The following NDUFB5 variants were observed in gnomAD, a reference collection of about 807,000 sequenced individuals.
NDUFB5 encodes the protein NADH:ubiquinone oxidoreductase subunit B5.
A neutral mutation model predicts 19.4 loss-of-function variants in NDUFB5; 19 were observed. The ratio of observed to expected loss-of-function variants is 0.98; its 90% CI spans 0.68 to 1.43. The LOEUF is 1.43. Among genes scored for constraint, NDUFB5 ranks in the 40% most tolerant of loss-of-function variants. NDUFB5 has a pLI of 0.00. For synonymous variants in NDUFB5, 80 were observed against 82.6 expected, an observed-to-expected ratio of 0.97 and a Z score of 0.17; for missense variants, 233 against 236.5, an observed-to-expected ratio of 0.99 and a Z score of 0.10.
chr3:179,624,655 G>A lies in NDUFB5; in HGVS notation c.*615G>A, dbSNP rs1302192638. ...GGATCCCTTAGAGTCCTTTTTTGGG[G>A]AAGTAGTTGCACTAGGTAATGTGAT... is the stretch of plus-strand genomic sequence containing the variant. On this transcript the variant is annotated 3_prime_UTR_variant, in exon 6 of 6. Transcript: ENST00000259037. The A allele has an allele frequency of 6.7e-6, 1 of 150,098 alleles. No homozygotes were observed. The highest frequency in any genetic ancestry group is 6.7e-5 in the Admixed American group (1 of 14,972). The allele number at this position is 150,098 out of a possible 1,614,324, so 9.3% of individuals were successfully genotyped here.
chr3:179,604,825 A>G lies in NDUFB5; in HGVS notation c.10A>G (p.Met4Val). 3 of 1,607,736 alleles carry G rather than the reference A, an allele frequency of 1.9e-6. No homozygotes were observed. Among genetic ancestry groups the G allele is most frequent in the South Asian group, 1.1e-5 (1 of 90,390 alleles). ...CCTGCCCGTAGTAGCCATGGCGGCC[A>G]TGAGTTTGTTGCGGCGGGTTTCGGT... Reference protein sequence around the residue: MAAMSLLRRVSVTA... With the variant: MAAVSLLRRVSVTA... The change falls in exon 1 of 6, where the codon ATG (methionine) becomes GTG (valine). Residue 4 changes from methionine (M) to valine (V), a missense_variant. Met to Val is a conservative substitution (Grantham distance 21, BLOSUM62 1). Coordinates refer to ENST00000259037, the MANE Select transcript of NDUFB5 (RefSeq NM_002492.4).
rs540217723 is a variant in NDUFB5 at position 179,617,053 on chromosome 3, A to G, written c.342+9A>G. 1.3e-6 allele frequency: 2 copies of G among 1,593,904 alleles called. No homozygotes were observed. The highest frequency in any genetic ancestry group is 2.2e-5 in the East Asian group (1 of 44,736). On this transcript the variant is annotated intron_variant, in intron 4 of 5. Transcript: ENST00000259037. ...ACTGGGAATATTATAAGGTTTGTATAGGACATTGACAATTACATACTGTTA... is the reference window on the plus strand; with the variant it reads ...ACTGGGAATATTATAAGGTTTGTATGGGACATTGACAATTACATACTGTTA...
rs1008451219 is a variant in NDUFB5 at position 179,625,373 on chromosome 3, G to C, written c.*1333G>C. ...CCAAATGGAGAAATAATTTTTTGCT[G>C]CCTAAACACACAAGTGAATTGAAAA... On this transcript the variant is annotated 3_prime_UTR_variant, in exon 6 of 6. Coordinates refer to ENST00000259037, the MANE Select transcript of NDUFB5 (RefSeq NM_002492.4). 9.2e-5 allele frequency: 14 copies of C among 152,090 alleles called. No homozygotes were observed. The highest frequency in any genetic ancestry group is 3.1e-4 in the African/African-American group (13 of 41,392). 9.4% of individuals were successfully genotyped at this position (152,090 alleles called of 1,614,324 possible).
At position 179,615,980 on chromosome 3, in the gene NDUFB5, T is replaced by TA; in HGVS notation, c.214-2dup. ...ATGAGAAACACTTTTTTTTTTATCT[T>TA]AGAGATTCTACATTGCATTGACTGG... On this transcript the variant is annotated splice_region_variant and splice_polypyrimidine_tract_variant and intron_variant, in intron 2 of 5. Transcript: ENST00000259037. 6.2e-7 allele frequency: 1 copy of TA among 1,609,078 alleles called. No homozygotes were observed. Among genetic ancestry groups the TA allele is most frequent in the Non-Finnish European group, 8.5e-7 (1 of 1,175,978 alleles).
intron 2 of NDUFB5, 67 bp from the exon 3 acceptor site, chr3:179,615,916 T>C: frequency 8.5e-7 from 1 of 1,176,838 alleles, no homozygotes; most frequent in South Asian, 1.3e-5. Context: ...AATCATATCA[T>C]GAGGATGATT....
At chr3:179,623,306 G>C (rs1719583432) in intron 5 of NDUFB5, among the ~76,000 whole-genome samples, 1 of 152,256 alleles carries the variant, frequency 6.6e-6, no homozygotes. Context: ...TAACAATTCA[G>C]ATGAAAGTGA....
chr3:179,624,572 TACACACACACACAC>T lies in NDUFB5; in HGVS notation c.*551_*564del, dbSNP rs59680377. 1.6e-5 allele frequency: 2 copies of T among 128,388 alleles called. No individual in the cohort carries two copies. Among genetic ancestry groups the T allele is most frequent in the South Asian group, 2.6e-4 (1 of 3,804 alleles). The allele number at this position is 128,388 out of a possible 1,614,324, so 8.0% of individuals were successfully genotyped here. On this transcript the variant is annotated 3_prime_UTR_variant, in exon 6 of 6. Transcript: ENST00000259037. ...AACTACACACAGACACACAGACACG[TACACACACACACAC>T]ACACACACACACACACACGCTCTTT...
Position 179,624,752 on chromosome 3 carries a change from A to G in NDUFB5, c.*712A>G, listed in dbSNP as rs1434595058. The G allele has an allele frequency of 1.3e-5, 2 of 151,756 alleles. No homozygotes were observed. The highest frequency in any genetic ancestry group is 6.6e-5 in the Admixed American group (1 of 15,192). The allele number at this position is 151,756 out of a possible 1,614,324, so 9.4% of individuals were successfully genotyped here. ...TTATTAAGCATTTATTGTCTGCTAG[A>G]CACTATATTAAATAACTGCATTTTT... On this transcript the variant is annotated 3_prime_UTR_variant, in exon 6 of 6. Coordinates refer to ENST00000259037, the MANE Select transcript of NDUFB5 (RefSeq NM_002492.4).
Position 179,626,053 on chromosome 3 carries a change from G to A in NDUFB5, c.*2013G>A, listed in dbSNP as rs1423031278. On this transcript the variant is annotated 3_prime_UTR_variant, in exon 6 of 6. Coordinates refer to ENST00000259037, the MANE Select transcript of NDUFB5 (RefSeq NM_002492.4). ...GTACTACTGTACATTCCTACCAATG[G>A]TGGATGAGCGTTCCCCTTTCTCCAC... 2 of 152,148 alleles carry A rather than the reference G, an allele frequency of 1.3e-5. No individual in the cohort carries two copies. Among genetic ancestry groups the A allele is most frequent in the African/African-American group, 2.4e-5 (1 of 41,434 alleles). The allele number at this position is 152,148 out of a possible 1,614,324, so 9.4% of individuals were successfully genotyped here.
chr3:179,606,131 C>T (rs1046286900), intron 1 of NDUFB5, among the ~76,000 whole-genome samples: 3 of 152,178 alleles, frequency 2.0e-5, no homozygotes, highest in African/African-American at 7.2e-5. Context: ...TCCTTGGAGA[C>T]AGTGAGTTGC....
At position 179,624,899 on chromosome 3, in the gene NDUFB5, T is replaced by A. The variant is rs1719635551; in HGVS notation, c.*859T>A. The A allele has an allele frequency of 6.6e-6, 1 of 151,436 alleles. No homozygotes were observed. Among genetic ancestry groups the A allele is most frequent in the African/African-American group, 2.4e-5 (1 of 41,074 alleles). The allele number at this position is 151,436 out of a possible 1,614,324, so 9.4% of individuals were successfully genotyped here. On this transcript the variant is annotated 3_prime_UTR_variant, in exon 6 of 6. Transcript: ENST00000259037. ...CCTCCGCCTCCCGGGTTCAAGCAAT[T>A]CTTGTCTCAGCCTCCCAAGTAGCTG...
At chr3:179,619,300 T>C (rs1289399420) in intron 5 of NDUFB5, among the ~76,000 whole-genome samples, 1 of 150,108 alleles carries the variant, frequency 6.7e-6, no homozygotes, top group Non-Finnish European at 1.5e-5. Context: ...GCTGCACCCA[T>C]TAACTCATTA....
In NDUFB5 at chr3:179,626,242, C is replaced by G. The variant is rs1464681072; in HGVS notation, c.*2202C>G. 1.3e-5 allele frequency: 2 copies of G among 151,972 alleles called. No homozygotes were observed. The highest frequency in any genetic ancestry group is 2.4e-5 in the African/African-American group (1 of 41,378). 9.4% of individuals were successfully genotyped at this position (151,972 alleles called of 1,614,324 possible). On this transcript the variant is annotated 3_prime_UTR_variant, in exon 6 of 6. Coordinates refer to ENST00000259037, the MANE Select transcript of NDUFB5 (RefSeq NM_002492.4). ...TGTCTTCCTTTGAGAAATGTCTATA[C>G]AGATCTCTGGCCCTTTTTTTAAATT...
intron 5 of NDUFB5, among the ~76,000 whole-genome samples, chr3:179,621,598 T>TTC: frequency 6.6e-6 from 1 of 151,598 alleles, no homozygotes; most frequent in East Asian, 1.9e-4. Flanking sequence ...GTTCAAGCGA[T>TTC]TCTGCCTCAG....
At chr3:179,606,982 T>A (rs552516023) in intron 1 of NDUFB5, among the ~76,000 whole-genome samples, 102 of 152,360 alleles carry the variant, frequency 6.7e-4, no homozygotes, top group South Asian at 1.7e-3. Context: ...CATTTCTGAT[T>A]ACAGATATTC....
chr3:179,610,890 A>C (rs1719222472), intron 1 of NDUFB5, among the ~76,000 whole-genome samples: 1 of 152,236 alleles, frequency 6.6e-6, no homozygotes, highest in Non-Finnish European at 1.5e-5. Context: ...GGATGTATAA[A>C]CAGAGTGCTG....
intron 5 of NDUFB5, among the ~76,000 whole-genome samples, chr3:179,621,539 C>CTGGA (rs934850552): frequency 9.2e-5 from 11 of 119,158 alleles, no homozygotes; most frequent in African/African-American, 2.6e-4. Flanking sequence ...GTCTCCCAGG[C>CTGGA]TGGAGTACAG....
At chr3:179,612,625 T>C (rs1055174583) in intron 1 of NDUFB5, among the ~76,000 whole-genome samples, 17 of 151,610 alleles carry the variant, frequency 1.1e-4, no homozygotes, top group African/African-American at 2.4e-4. Flanking sequence ...TACAGGCGCC[T>C]GCCACCACAC....
chr3:179,618,460 G>A lies in NDUFB5; in HGVS notation c.388G>A (p.Glu130Lys). 1 of 1,611,670 alleles carries A rather than the reference G, an allele frequency of 6.2e-7. No individual in the cohort carries two copies. The highest frequency in any genetic ancestry group is 8.5e-7 in the Non-Finnish European group (1 of 1,179,410). Residue 130 changes from glutamate (E) to lysine (K), a missense_variant, in exon 5 of 6, where the codon GAA (glutamate) becomes AAA (lysine). Transcript: ENST00000259037. ...TGCCCGTAATTTCTATGATAGTCCT[G>A]AAAAGATATATGAAAGAACAATGGC... Reference protein sequence around the residue: ...WIARNFYDSPEKIYERTMAVL... With the variant: ...WIARNFYDSPKKIYERTMAVL...
Sources: allele counts gnomAD v4.1 joint callset (sites outside exome capture counted in the v4.1 genomes callset), GRCh38; gene constraint gnomAD v4.1.1; transcripts MANE v1.5; gene names NCBI Gene and HGNC (gene_info 2026-07-23, HGNC 2026-07-21).